The following APLP1 variants were observed in gnomAD, a reference collection of about 807,000 sequenced individuals.
The protein encoded by APLP1 is amyloid beta (A4) precursor-like protein 1.
Under a neutral mutation model 84.5 loss-of-function variants are expected in APLP1, and 46 were observed. The observed-to-expected ratio is 0.54, with a 90% CI of 0.43 to 0.70. The LOEUF (loss-of-function observed/expected upper bound fraction) is 0.70. Among genes scored for constraint, APLP1 ranks in the 30% least tolerant of loss-of-function variants. APLP1 has a pLI of 0.00. For synonymous variants in APLP1, 376 were observed against 364.0 expected, an observed-to-expected ratio of 1.03 and a Z score of -0.38; for missense variants, 826 against 900.2, an observed-to-expected ratio of 0.92 and a Z score of 1.05.
In APLP1 at chr19:35,868,801, C is replaced by A; in HGVS notation, c.147+18C>A. The A allele has an allele frequency of 1.6e-6, 2 of 1,287,088 alleles. No homozygotes were observed. Among genetic ancestry groups the A allele is most frequent in the Admixed American group, 4.2e-5 (1 of 23,686 alleles). 79.7% of individuals were successfully genotyped at this position (1,287,088 alleles called of 1,614,324 possible). A position where few individuals can be genotyped will look rare whatever the true frequency, so the allele number is the denominator to read the frequency against. ...CGGCCGAGGTGAGGCCGGGCCGGGT[C>A]CTGGGGGATGGGGGAAGGGGCGGGA... On this transcript the variant is annotated intron_variant, in intron 1 of 16. Transcript: ENST00000221891. This position sits in a 1 kb window ranked among gnomAD's most constrained non-coding sequence, Gnocchi z 5.2.
chr19:35,873,572 G>T, intron 7 of APLP1, 67 bp from the exon 8 acceptor site: 1 of 1,513,338 alleles, frequency 6.6e-7, no homozygotes, highest in Non-Finnish European at 9.1e-7. Flanking sequence ...TCTTAAAGAG[G>T]GGTTGGGGGA....
At chr19:35,872,104 TG>T in intron 6 of APLP1, 68 bp downstream of exon 6, 6 of 1,545,078 alleles carry the variant, frequency 3.9e-6, no homozygotes, top group South Asian at 2.4e-5. Context: ...GGAGTCTTGC[TG>T]GGGGGTGTCT....
intron 13 of APLP1, 25 bp from the exon 14 acceptor site, chr19:35,878,559 A>G (rs758616974): frequency 1.2e-6 from 2 of 1,610,802 alleles, no homozygotes; most frequent in South Asian, 1.1e-5. Context: ...AAAAAAAAAA[A>G]GAATGAGATC....
Position 35,879,059 on chromosome 19 carries a change from C to T in APLP1, c.1714-15C>T, listed in dbSNP as rs780553863. 4 of 1,612,414 alleles carry T rather than the reference C, an allele frequency of 2.5e-6. No homozygotes were observed. The highest frequency in any genetic ancestry group is 3.4e-6 in the Non-Finnish European group (4 of 1,179,838). On this transcript the variant is annotated splice_polypyrimidine_tract_variant and intron_variant, in intron 15 of 16. Coordinates refer to ENST00000221891, the MANE Select transcript of APLP1 (RefSeq NM_001024807.3). ...CCCTCAAAGAAGCCCTCTGCCCCAT[C>T]TCCTCTCCCTGCAGGCACCAGCTGG...
chr19:35,871,408 C>T (rs1974143733), intron 4 of APLP1, 59 bp downstream of exon 4: 1 of 1,434,912 alleles, frequency 7.0e-7, no homozygotes, highest in Admixed American at 1.9e-5. Context: ...GGACCTCTAA[C>T]ACCCTCCGCC....
In APLP1 at chr19:35,874,075, G is replaced by A. The variant is rs1974222423; in HGVS notation, c.1056+362G>A. ...CGCCCCCTGATTCTGGCTCTGCTGG[G>A]CCAATCTCACCTTTATTAACCTGAC... On this transcript the variant is annotated intron_variant, in intron 8 of 16. Coordinates refer to ENST00000221891, the MANE Select transcript of APLP1 (RefSeq NM_001024807.3). This position sits in a 1 kb window ranked among gnomAD's most constrained non-coding sequence, Gnocchi z 6.4. 6.6e-6 allele frequency among the ~76,000 whole-genome samples: 1 copy of A among 152,138 alleles called. No individual in the cohort carries two copies. The highest frequency in any genetic ancestry group is 1.5e-5 in the Non-Finnish European group (1 of 68,022).
intron 2 of APLP1, 149 bp downstream of exon 2, chr19:35,869,959 G>C: frequency 9.6e-7 from 1 of 1,044,256 alleles, no homozygotes; most frequent in East Asian, 2.7e-5. Context: ...CAGGGGACCT[G>C]TTTTGAGATA....
At position 35,871,730 on chromosome 19, in the gene APLP1, C is replaced by A. The variant is rs142658251; in HGVS notation, c.656C>A (p.Ser219Tyr). Residue 219 changes from serine to tyrosine, a missense_variant, in exon 5 of 17, where the codon TCT becomes TAT. By Grantham distance (144) the Ser-to-Tyr change is moderately radical. This residue lies in a region of APLP1 where 383 missense variants were observed against 378.3 expected (regional missense o/e 1.01). Coordinates refer to ENST00000221891, the MANE Select transcript of APLP1 (RefSeq NM_001024807.3). ...CCCCCTCCAGGGACCCCCGACCCAT[C>A]TGGGACAGCAGTTGGGTGAGTGGGA... Reference protein sequence around the residue: ...CCPPPGTPDPSGTAVGDPSTR... With the variant: ...CCPPPGTPDPYGTAVGDPSTR... 1.9e-4 allele frequency: 312 copies of A among 1,614,006 alleles called. No homozygotes were observed. The highest frequency in any genetic ancestry group is 2.6e-4 in the Non-Finnish European group (305 of 1,180,032).
At chr19:35,872,757 GC>G in intron 7 of APLP1, 144 bp downstream of exon 7, 1 of 814,516 alleles carries the variant, frequency 1.2e-6, no homozygotes, top group Non-Finnish European at 1.8e-6. Flanking sequence ...CCCTAAGATG[GC>G]CAGAGATCCA....
In APLP1 at chr19:35,878,930, C is replaced by G. The variant is rs1178560544; in HGVS notation, c.1691C>G (p.Ser564Trp). 6.2e-7 allele frequency: 1 copy of G among 1,614,074 alleles called. No individual in the cohort carries two copies. The change falls in exon 15 of 17, where the codon TCG (serine) becomes TGG (tryptophan). Residue 564 changes from serine to tryptophan, a missense_variant. By Grantham distance (177) the Ser-to-Trp change is radical. Coordinates refer to ENST00000221891, the MANE Select transcript of APLP1 (RefSeq NM_001024807.3). ...CCAAGGGGTTTCCCTTTCCACTCAT[C>G]GGAGATTCAGAGGGATGAGCTGGTA... ...SVPRGFPFHS[S>W]EIQRDELAPA...
At position 35,878,875 on chromosome 19, in the gene APLP1, C is replaced by A. The variant is rs771248997; in HGVS notation, c.1651-15C>A. The stretch of plus-strand genomic sequence containing the variant: ...TGCCAGGCTTCTGGGTTCCTGACAC[C>A]TCCTGCTCCCCCAGGTGAATGCGTC... On this transcript the variant is annotated splice_polypyrimidine_tract_variant and intron_variant, in intron 14 of 16. Transcript: ENST00000221891. 6.2e-7 allele frequency: 1 copy of A among 1,614,078 alleles called. No individual in the cohort carries two copies. The highest frequency in any genetic ancestry group is 1.7e-5 in the Admixed American group (1 of 60,022).
In APLP1 at chr19:35,872,554, G is replaced by A. The variant is rs371008485; in HGVS notation, c.922G>A (p.Glu308Lys). ...FGMPGEISEH[E>K]GFLRAKMDLE... The stretch of plus-strand genomic sequence containing the variant: ...CATGCCTGGGGAAATCAGTGAGCAC[G>A]AGGGGTTCCTGAGGGCCAAGATGGA... Residue 308 changes from glutamate (E) to lysine (K), a missense_variant, in exon 7 of 17, where the codon GAG becomes AAG. Physicochemically the swap from Glu to Lys is moderately conservative, Grantham distance 56. This residue lies in a region of APLP1 where 433 missense variants were observed against 496.5 expected (regional missense o/e 0.87). Transcript: ENST00000221891. 48 of 1,613,902 alleles carry A rather than the reference G, an allele frequency of 3.0e-5. No homozygotes were observed. Among genetic ancestry groups the A allele is most frequent in the Admixed American group, 2.5e-4 (15 of 60,002 alleles).
Position 35,878,577 on chromosome 19 carries a change from G to T in APLP1, c.1580-7G>T, listed in dbSNP as rs377528043. The T allele has an allele frequency of 6.8e-5, 109 of 1,613,826 alleles. No homozygotes were observed. Among genetic ancestry groups the T allele is most frequent in the Non-Finnish European group, 8.7e-5 (103 of 1,179,920 alleles). ...AAAAAAAAGAATGAGATCAGACTTG[G>T]GGGTAGGGTCCACAGAACAAGATGC... On this transcript the variant is annotated splice_polypyrimidine_tract_variant and splice_region_variant and intron_variant, in intron 13 of 16. Transcript: ENST00000221891.
At chr19:35,873,603 G>A (rs1307554818) in intron 7 of APLP1, 36 bp from the exon 8 acceptor site, 1 of 1,609,000 alleles carries the variant, frequency 6.2e-7, no homozygotes, top group Non-Finnish European at 8.5e-7. Flanking sequence ...GGATCAGGGT[G>A]GATTCTGGGA....
chr19:35,871,859 G>GA lies in APLP1; in HGVS notation c.674dup (p.Asp225GlufsTer17). ...CTGGGTCCTCTCCTGCTCCCTCAGT[G>GA]ACCCCTCCACCCGGTCCTGGCCCCC... On this transcript the variant is annotated frameshift_variant and splice_region_variant, in exon 6 of 17. Transcript: ENST00000221891. LOFTEE classifies it high-confidence loss of function. 1 of 1,613,824 alleles carries GA rather than the reference G, an allele frequency of 6.2e-7. No individual in the cohort carries two copies. The highest frequency in any genetic ancestry group is 8.5e-7 in the Non-Finnish European group (1 of 1,179,842).
chr19:35,871,958 G>A lies in APLP1; in HGVS notation c.772G>A (p.Val258Met), dbSNP rs752536466. ...SFPQPVDDYF[V>M]EPPQAEEEEE... ...CCCACAGCCAGTAGATGATTACTTC[G>A]TGGAGCCTCCGCAGGCTGAAGAGGA... Residue 258 changes from valine (V) to methionine (M), a missense_variant, in exon 6 of 17, where the codon GTG (valine) becomes ATG (methionine). Coordinates refer to ENST00000221891, the MANE Select transcript of APLP1 (RefSeq NM_001024807.3). The A allele has an allele frequency of 2.3e-5, 37 of 1,614,018 alleles. No homozygotes were observed. The highest frequency in any genetic ancestry group is 3.0e-5 in the Non-Finnish European group (35 of 1,180,032).
At chr19:35,873,758 G>C (rs1974216123) in intron 8 of APLP1, 45 bp downstream of exon 8, 1 of 1,574,830 alleles carries the variant, frequency 6.3e-7, no homozygotes, top group Admixed American at 1.7e-5. Context: ...TCCACCACCT[G>C]GAGCACACTC....
At chr19:35,872,701 C>A (rs2146906099) in intron 7 of APLP1, 88 bp downstream of exon 7, 1 of 1,449,652 alleles carries the variant, frequency 6.9e-7, no homozygotes, top group Non-Finnish European at 9.3e-7. Context: ...GATACTACCT[C>A]CAAAGGCTCC....
intron 10 of APLP1, 117 bp from the exon 11 acceptor site, chr19:35,876,400 T>C (rs556887926): frequency 2.4e-6 from 2 of 831,982 alleles, no homozygotes; most frequent in African/African-American, 1.7e-5. Flanking sequence ...ACACATCCTG[T>C]CCATTGCATG....
Sources: gnomAD v4.1 joint callset for allele counts (sites outside exome capture counted in the v4.1 genomes callset) on GRCh38, gnomAD v4.1.1 for gene constraint, gnomAD v4.1.1 regional missense constraint, Gnocchi (gnomAD v3.1) non-coding constraint, MANE v1.5 for transcripts, NCBI Gene and HGNC (gene_info 2026-07-23, HGNC 2026-07-21) for gene names.